VIM: variants seen among roughly 807,000 people sequenced by gnomAD.
The protein encoded by VIM is epididymis secretory sperm binding protein.
Under a neutral mutation model 50.3 loss-of-function variants are expected in VIM, and 18 were observed. That is an observed-to-expected ratio of 0.36 (90% CI 0.25 to 0.53). VIM has a LOEUF of 0.53. VIM is among the 20% of genes least tolerant of loss of function. VIM has a pLI of 0.91. For missense variants in VIM, 551 were observed against 614.7 expected, an observed-to-expected ratio of 0.90 and a Z score of 1.10; for synonymous variants, 245 against 248.5, an observed-to-expected ratio of 0.99 and a Z score of 0.13.
At chr10:17,235,431 T>C in intron 7 of VIM, 42 bp downstream of exon 7, 1 of 1,603,164 alleles carries the variant, frequency 6.2e-7, no homozygotes, top group Non-Finnish European at 8.5e-7. Context: ...ATGGTGACCA[T>C]TTGTTAGGCC....
chr10:17,234,429 A>G (rs564542059), intron 5 of VIM, among the ~76,000 whole-genome samples: 6 of 152,222 alleles, frequency 3.9e-5, no homozygotes, highest in Non-Finnish European at 7.4e-5. Flanking sequence ...CACCTCCTTC[A>G]GAATAGCAGA....
At chr10:17,235,921 T>C in intron 8 of VIM, 32 bp downstream of exon 8, 1 of 1,599,556 alleles carries the variant, frequency 6.3e-7, no homozygotes, top group Non-Finnish European at 8.6e-7. Context: ...AGGAAAAACG[T>C]CAGCTGCTTG....
At chr10:17,236,865 A>G (rs1846898052) in intron 9 of VIM, among the ~76,000 whole-genome samples, 1 of 152,356 alleles carries the variant, frequency 6.6e-6, no homozygotes, top group African/African-American at 2.4e-5. Context: ...TATTGTAGTC[A>G]TCATGAAATC....
At chr10:17,232,092 T>A (rs1266504406) in intron 3 of VIM, among the ~76,000 whole-genome samples, 2 of 152,236 alleles carry the variant, frequency 1.3e-5, no homozygotes, top group African/African-American at 4.8e-5. Flanking sequence ...ATCCTCTGTT[T>A]CGAGATTAAG....
At chr10:17,237,001 T>A (rs1202961274) in intron 9 of VIM, among the ~76,000 whole-genome samples, 1 of 152,230 alleles carries the variant, frequency 6.6e-6, no homozygotes, top group Non-Finnish European at 1.5e-5. Context: ...TTTAAGAAAT[T>A]TCTTTTTGTA....
intron 2 of VIM, chr10:17,230,190 T>C (rs1367081109): frequency 3.1e-6 from 2 of 642,944 alleles, no homozygotes; most frequent in Admixed American, 5.9e-5. Flanking sequence ...CATTTCCTCC[T>C]CTGTCCCCAC....
intron 3 of VIM, 46 bp downstream of exon 3, chr10:17,230,756 C>A (rs1407905941): frequency 6.2e-7 from 1 of 1,609,346 alleles, no homozygotes; most frequent in African/African-American, 1.3e-5. Flanking sequence ...CCCCACCCAA[C>A]ACAACCCACG....
intron 3 of VIM, 104 bp from the exon 4 acceptor site, chr10:17,233,483 A>C: frequency 2.6e-6 from 3 of 1,148,008 alleles, no homozygotes; most frequent in Non-Finnish European, 3.9e-6. Flanking sequence ...CGGCTTTTCT[A>C]TAGTAAGGAG....
Position 17,229,905 on chromosome 10 carries a change from G to A in VIM, c.483G>A (p.Val161=), listed in dbSNP as rs1361269617. 6.2e-7 allele frequency: 1 copy of A among 1,612,602 alleles called. No individual in the cohort carries two copies. The highest frequency in any genetic ancestry group is 8.5e-7 in the Non-Finnish European group (1 of 1,179,678). The part of the protein sequence containing the change: ...EEEMRELRRQ[V]DQLTNDKARV... ...AGATGCGGGAGCTGCGCCGGCAGGTGGACCAGCTAACCAACGACAAAGCCC... is the reference window on the plus strand; with the variant it reads ...AGATGCGGGAGCTGCGCCGGCAGGTAGACCAGCTAACCAACGACAAAGCCC... The change falls in exon 2 of 10, where the codon GTG becomes GTA. Residue 161 remains valine (V), a synonymous_variant. Coordinates refer to ENST00000544301, the MANE Select transcript of VIM (RefSeq NM_003380.5).
rs1035622713 is a variant in VIM at position 17,230,769 on chromosome 10, C to T, written c.624+59C>T. 8.1e-6 allele frequency: 13 copies of T among 1,602,590 alleles called. No homozygotes were observed. The South Asian group carries it at 1.2e-4, about 15-fold the overall frequency. On this transcript the variant is annotated intron_variant, in intron 3 of 9. Coordinates refer to ENST00000544301, the MANE Select transcript of VIM (RefSeq NM_003380.5). ...GACCCCACCCAACACAACCCACGAGCAATTCTAAAAGTTGCTTAACTCACG... is the reference window on the plus strand; with the variant it reads ...GACCCCACCCAACACAACCCACGAGTAATTCTAAAAGTTGCTTAACTCACG...
At chr10:17,235,918 A>C (rs777712236) in intron 8 of VIM, 29 bp downstream of exon 8, 9 of 1,603,050 alleles carry the variant, frequency 5.6e-6, no homozygotes, top group Non-Finnish European at 7.7e-6. Context: ...TTTAGGAAAA[A>C]CGTCAGCTGC....
rs1846906717 is a variant in VIM at position 17,237,223 on chromosome 10, TA to T, written c.1360-4del. On this transcript the variant is annotated splice_region_variant and splice_polypyrimidine_tract_variant and intron_variant, in intron 9 of 9. Transcript: ENST00000544301. ...TTATATTTATTTTGGTTTTTTTTTTTAAACAGGTTATCAACGAAACTTCTCA... is the reference window on the plus strand; with the variant it reads ...TTATATTTATTTTGGTTTTTTTTTTTAACAGGTTATCAACGAAACTTCTCA... 3.1e-6 allele frequency: 5 copies of T among 1,599,400 alleles called. 1 individual carries two copies. Among genetic ancestry groups the T allele is most frequent in the Admixed American group, 3.4e-5 (2 of 59,080 alleles).
intron 7 of VIM, 119 bp from the exon 8 acceptor site, chr10:17,235,727 G>T: frequency 1.0e-6 from 1 of 987,596 alleles, no homozygotes; most frequent in Non-Finnish European, 1.6e-6. Context: ...CAAATCTCTA[G>T]TTTATGATTT....
Position 17,229,562 on chromosome 10 carries a change from G to A in VIM, c.140G>A (p.Ser47Asn), listed in dbSNP as rs1335964173. The change falls in exon 2 of 10, where the codon AGC becomes AAC. Residue 47 changes from serine to asparagine, a missense_variant. Ser to Asn is a conservative substitution (Grantham distance 46). This residue lies in a region of VIM where 134 missense variants were observed against 126.4 expected (regional missense o/e 1.06). Coordinates refer to ENST00000544301, the MANE Select transcript of VIM (RefSeq NM_003380.5). ...TYSLGSALRPSTSRSLYASSP... is the reference protein window; with the variant it reads ...TYSLGSALRPNTSRSLYASSP... ...AGCCTGGGCAGCGCGCTGCGCCCCA[G>A]CACCAGCCGCAGCCTCTACGCCTCG... is the stretch of plus-strand genomic sequence containing the variant. The A allele has an allele frequency of 6.2e-7, 1 of 1,607,702 alleles. No individual in the cohort carries two copies. The highest frequency in any genetic ancestry group is 1.7e-5 in the Admixed American group (1 of 59,826).
In VIM at chr10:17,229,456, C is replaced by T. The variant is rs1220895620; in HGVS notation, c.34C>T (p.Arg12Cys). 6.2e-7 allele frequency: 1 copy of T among 1,607,048 alleles called. No individual in the cohort carries two copies. The highest frequency in any genetic ancestry group is 8.5e-7 in the Non-Finnish European group (1 of 1,179,178). ...CAGGTCCGTGTCCTCGTCCTCCTAC[C>T]GCAGGATGTTCGGCGGCCCGGGCAC... ...STRSVSSSSYRRMFGGPGTAS... is the reference protein window; with the variant it reads ...STRSVSSSSYCRMFGGPGTAS... Residue 12 changes from arginine to cysteine, a missense_variant, in exon 2 of 10, where the codon CGC (arginine) becomes TGC (cysteine). Around this residue, in one of 3 missense-constraint regions of VIM, gnomAD observed 134 missense variants for 126.4 expected, o/e 1.06. Transcript: ENST00000544301.
At position 17,233,950 on chromosome 10, in the gene VIM, C is replaced by A. The variant is rs368505118; in HGVS notation, c.882+19C>A. 3.7e-6 allele frequency: 6 copies of A among 1,604,204 alleles called. No individual in the cohort carries two copies. The highest frequency in any genetic ancestry group is 4.3e-6 in the Non-Finnish European group (5 of 1,175,164). On this transcript the variant is annotated intron_variant, in intron 5 of 9. Transcript: ENST00000544301. ...ATCCAAGGTAGGAAACAAATCAGTG[C>A]GGCTTCAACCAAAGAAAAGCATTGT...
chr10:17,236,749 C>A (rs1177113894), intron 9 of VIM, among the ~76,000 whole-genome samples: 1 of 152,210 alleles, frequency 6.6e-6, no homozygotes, highest in Non-Finnish European at 1.5e-5. Flanking sequence ...CTTCCTACCT[C>A]CATACTTTAT....
At position 17,229,813 on chromosome 10, in the gene VIM, C is replaced by A; in HGVS notation, c.391C>A (p.Leu131Met). ...CTTCCTGGAGCAGCAGAATAAGATC[C>A]TGCTGGCCGAGCTCGAGCAGCTCAA... ...VRFLEQQNKI[L>M]LAELEQLKGQ... Residue 131 changes from leucine to methionine, a missense_variant, in exon 2 of 10, where the codon CTG becomes ATG. Leu to Met is a conservative substitution (Grantham distance 15, BLOSUM62 2). This residue lies in a region of VIM where 394 missense variants were observed against 437.5 expected (regional missense o/e 0.90). Transcript: ENST00000544301. The A allele has an allele frequency of 1.3e-6, 2 of 1,599,582 alleles. No individual in the cohort carries two copies. Among genetic ancestry groups the A allele is most frequent in the Admixed American group, 1.7e-5 (1 of 57,208 alleles).
chr10:17,232,561 G>A (rs1001456740), intron 3 of VIM, among the ~76,000 whole-genome samples: 2 of 152,204 alleles, frequency 1.3e-5, no homozygotes, highest in East Asian at 3.8e-4. Context: ...TACAGGATGA[G>A]TCAAAGGAGT....
Sources: allele counts gnomAD v4.1 joint callset (sites outside exome capture counted in the v4.1 genomes callset), GRCh38; gene constraint gnomAD v4.1.1; regional missense constraint gnomAD v4.1.1; transcripts MANE v1.5; gene names NCBI Gene and HGNC (gene_info 2026-07-23, HGNC 2026-07-21).